CHN1: variants seen among roughly 807,000 people sequenced by gnomAD.
CHN1 encodes the protein N-chimaerin.
In CHN1, 37 loss-of-function variants were observed where a neutral mutation model predicts 59.5. That is an observed-to-expected ratio of 0.62 (90% confidence interval 0.48 to 0.82). The LOEUF (loss-of-function observed/expected upper bound fraction) is 0.82, where lower values mean the gene tolerates loss of function less well. Ranked by LOEUF, CHN1 falls within the 40% of genes least tolerant of loss-of-function variation. CHN1 has a pLI of 0.00. For missense variants in CHN1, 469 were observed against 571.0 expected (o/e 0.82, Z 1.82); for synonymous variants, 206 against 200.4 (o/e 1.03, Z -0.24).
chr2:174,915,947 A>C (rs913302915), intron 4 of CHN1, among the ~76,000 whole-genome samples: 1 of 152,250 alleles, frequency 6.6e-6, no homozygotes, highest in African/African-American at 2.4e-5. Flanking sequence ...AAGATAATGA[A>C]GGAATTCAGG....
chr2:174,990,510 C>A (rs1301590195), intron 1 of CHN1, among the ~76,000 whole-genome samples: 3 of 152,144 alleles, frequency 2.0e-5, no homozygotes, highest in Non-Finnish European at 4.4e-5. Flanking sequence ...CAGAGAACTG[C>A]AGAGCCATGT....
At chr2:174,872,250 C>T (rs1014752739) in intron 6 of CHN1, among the ~76,000 whole-genome samples, 1 of 152,168 alleles carries the variant, frequency 6.6e-6, no homozygotes, top group African/African-American at 2.4e-5. Flanking sequence ...CATCAATGCA[C>T]TCCTGTCTGG....
intron 1 of CHN1, among the ~76,000 whole-genome samples, chr2:174,982,896 C>T (rs576814702): frequency 6.6e-6 from 1 of 152,072 alleles, no homozygotes; most frequent in Non-Finnish European, 1.5e-5. Context: ...CCTCCCTTTC[C>T]CCCACCAATG....
intron 8 of CHN1, among the ~76,000 whole-genome samples, chr2:174,822,361 T>C (rs1233800622): frequency 1.3e-5 from 2 of 152,332 alleles, no homozygotes; most frequent in South Asian, 2.1e-4. Flanking sequence ...CCCCATATTA[T>C]TGACATGATA....
At chr2:174,915,841 G>A (rs1490214572) in intron 4 of CHN1, among the ~76,000 whole-genome samples, 2 of 152,208 alleles carry the variant, frequency 1.3e-5, no homozygotes, top group East Asian at 3.9e-4. Context: ...TGAAAAAAAT[G>A]TCAGTTGTGA....
chr2:174,984,234 C>T (rs1215647919), intron 1 of CHN1, among the ~76,000 whole-genome samples: 1 of 152,052 alleles, frequency 6.6e-6, no homozygotes, highest in African/African-American at 2.4e-5. Context: ...ATGTGTATAT[C>T]CCTTACATCT....
chr2:174,965,297 T>C (rs1418318386), intron 1 of CHN1, among the ~76,000 whole-genome samples: 1 of 152,114 alleles, frequency 6.6e-6, no homozygotes, highest in Non-Finnish European at 1.5e-5. Context: ...TTCTTTCTTT[T>C]TATTATATAT....
intron 8 of CHN1, chr2:174,821,694 C>T (rs1421364886): frequency 2.2e-6 from 1 of 450,810 alleles, no homozygotes; most frequent in Non-Finnish European, 4.6e-6. Context: ...CATAGCTTTC[C>T]AGGCGCCATC....
intron 5 of CHN1, among the ~76,000 whole-genome samples, chr2:174,881,098 T>C (rs930073669): frequency 6.6e-6 from 1 of 151,602 alleles, no homozygotes; most frequent in South Asian, 2.1e-4. Flanking sequence ...AATAACTATA[T>C]ACATATAGAA....
chr2:174,839,604 ATTTT>A (rs34568874), intron 7 of CHN1, among the ~76,000 whole-genome samples: 1 of 142,434 alleles, frequency 7.0e-6, no homozygotes, highest in Non-Finnish European at 1.5e-5. Flanking sequence ...GCACTTAAAG[ATTTT>A]TTTTTTTTTT....
chr2:174,990,260 T>TGA (rs1163852070), intron 1 of CHN1, among the ~76,000 whole-genome samples: 265 of 98,666 alleles, frequency 2.7e-3, no homozygotes, highest in South Asian at 6.9e-3. Flanking sequence ...TGTGTGTGTG[T>TGA]GTGAGAGAGA....
intron 6 of CHN1, among the ~76,000 whole-genome samples, chr2:174,857,934 AATATAC>A (rs901292389): frequency 2.6e-5 from 4 of 152,178 alleles, no homozygotes; most frequent in African/African-American, 4.8e-5. Flanking sequence ...TTTTGGATAT[AATATAC>A]ATATAAAAAA....
At chr2:174,837,775 T>C (rs1686138981) in intron 7 of CHN1, among the ~76,000 whole-genome samples, 1 of 152,224 alleles carries the variant, frequency 6.6e-6, no homozygotes, top group South Asian at 2.1e-4. Context: ...AGTTTTTGTG[T>C]AGTAAAAATA....
chr2:174,837,728 T>A (rs1686137209), intron 7 of CHN1, among the ~76,000 whole-genome samples: 1 of 152,162 alleles, frequency 6.6e-6, no homozygotes, highest in African/African-American at 2.4e-5. Flanking sequence ...ATGTTGCTTG[T>A]CAAAAAAATA....
At chr2:174,899,917 A>C (rs1364267027) in intron 5 of CHN1, among the ~76,000 whole-genome samples, 1 of 152,194 alleles carries the variant, frequency 6.6e-6, no homozygotes, top group Non-Finnish European at 1.5e-5. Context: ...TTTTCAAAAA[A>C]GTTAGGGAAA....
chr2:174,844,417 G>A (rs561608653), intron 7 of CHN1, among the ~76,000 whole-genome samples: 9 of 152,130 alleles, frequency 5.9e-5, no homozygotes, highest in African/African-American at 1.9e-4. Context: ...ACAGCTGTTC[G>A]ATTCCACAGA....
intron 6 of CHN1, among the ~76,000 whole-genome samples, chr2:174,860,081 C>G (rs1314895373): frequency 6.6e-6 from 1 of 152,090 alleles, no homozygotes; most frequent in Non-Finnish European, 1.5e-5. Flanking sequence ...TACTGAGTAG[C>G]ATGCCTTTTT....
intron 3 of CHN1, among the ~76,000 whole-genome samples, chr2:174,943,210 A>G (rs376632600): frequency 8.1e-5 from 11 of 136,330 alleles, no homozygotes; most frequent in African/African-American, 1.9e-4. Context: ...GTGTGTGTGT[A>G]TGTGTGTACA....
intron 3 of CHN1, among the ~76,000 whole-genome samples, chr2:174,925,219 A>AC (rs897179890): frequency 6.6e-6 from 1 of 152,000 alleles, no homozygotes; most frequent in African/African-American, 2.4e-5. Flanking sequence ...GCCTCCTCAT[A>AC]CCCCCGCCTT....
Sources: gnomAD v4.1 joint callset for allele counts (sites outside exome capture counted in the v4.1 genomes callset) on GRCh38, gnomAD v4.1.1 for gene constraint, MANE v1.5 for transcripts, NCBI Gene and HGNC (gene_info 2026-07-23, HGNC 2026-07-21) for gene names.